Variants in LRP1B observed in about 807,000 individuals in gnomAD.
LRP1B encodes low-density lipoprotein receptor-related protein 1B.
Under a neutral mutation model 556.6 loss-of-function variants are expected in LRP1B, and 217 were observed. That is an observed-to-expected ratio of 0.39 (90% CI 0.35 to 0.44). The LOEUF (loss-of-function observed/expected upper bound fraction) is 0.44. LRP1B is among the 20% of genes least tolerant of loss of function. The probability of loss-of-function intolerance (pLI) is 1.00; values close to 1 mark genes in which losing one functional copy is unlikely to be tolerated. For missense variants in LRP1B, 5,053 were observed against 5,620.8 expected, an observed-to-expected ratio of 0.90 and a Z score of 3.23; for synonymous variants, 2,047 against 1,865.8, an observed-to-expected ratio of 1.10 and a Z score of -2.50.
At chr2:140,493,862 C>G (rs1046852413) in intron 56 of LRP1B, among the ~76,000 whole-genome samples, 2 of 152,096 alleles carry the variant, frequency 1.3e-5, no homozygotes, top group African/African-American at 2.4e-5. Context: ...TTCTATCATC[C>G]TTGATGGGAT....
intron 10 of LRP1B, among the ~76,000 whole-genome samples, chr2:141,050,944 C>CG (rs1553452487): frequency 6.6e-6 from 1 of 151,862 alleles, no homozygotes; most frequent in Non-Finnish European, 1.5e-5. Flanking sequence ...AAGAAAAAAC[C>CG]AAAAACATCA....
chr2:141,643,770 G>A (rs1002872320), intron 2 of LRP1B, among the ~76,000 whole-genome samples: 2 of 152,060 alleles, frequency 1.3e-5, no homozygotes, highest in Admixed American at 1.3e-4. Context: ...TTGGATAGAG[G>A]ACGATGCTGT....
chr2:142,076,411 G>A (rs1235005569), intron 1 of LRP1B, among the ~76,000 whole-genome samples: 5 of 152,024 alleles, frequency 3.3e-5, no homozygotes, highest in African/African-American at 1.2e-4. Flanking sequence ...CATGAATTTC[G>A]AGTGCTCAAA....
chr2:140,498,089 T>C (rs72899884), intron 55 of LRP1B, among the ~76,000 whole-genome samples: 1 of 151,874 alleles, frequency 6.6e-6, no homozygotes, highest in African/African-American at 2.4e-5. Context: ...AATAATCTTT[T>C]GCATTTTCAA....
chr2:141,352,937 A>C (rs1445600520), intron 3 of LRP1B, among the ~76,000 whole-genome samples: 1 of 151,992 alleles, frequency 6.6e-6, no homozygotes, highest in Non-Finnish European at 1.5e-5. Flanking sequence ...AAATTATATG[A>C]TGTTTTTCAT....
rs1287546889 is a variant in LRP1B, at chr2:141,630,125, T to C, written c.206-149592A>G. ...TAATGTTCCCTGCCACTGTGGAAAATGTTTTATTGGACAAATAGGCCACAC... is the reference window on the plus strand; with the variant it reads ...TAATGTTCCCTGCCACTGTGGAAAACGTTTTATTGGACAAATAGGCCACAC... On this transcript the variant is annotated intron_variant, in intron 2 of 90. Coordinates refer to ENST00000389484, the MANE Select transcript of LRP1B (RefSeq NM_018557.3). Among the ~76,000 whole-genome samples, 4 of 152,112 alleles carry C rather than the reference T, an allele frequency of 2.6e-5. No individual in the cohort carries two copies. In the East Asian group the frequency reaches 7.7e-4, roughly 29 times the overall value.
chr2:142,029,201 G>T (rs766953457), intron 1 of LRP1B, among the ~76,000 whole-genome samples: 1 of 151,800 alleles, frequency 6.6e-6, no homozygotes, highest in African/African-American at 2.4e-5. Context: ...TCTTAAGAGG[G>T]TAAGACCTAG....
At chr2:140,910,629 A>G (rs1036551088) in intron 21 of LRP1B, among the ~76,000 whole-genome samples, 2 of 151,904 alleles carry the variant, frequency 1.3e-5, no homozygotes, top group African/African-American at 4.8e-5. Flanking sequence ...TTTTAAATCA[A>G]TAAGATAACA....
intron 66 of LRP1B, among the ~76,000 whole-genome samples, chr2:140,398,708 A>G (rs1358782914): frequency 6.6e-6 from 1 of 152,158 alleles, no homozygotes; most frequent in Non-Finnish European, 1.5e-5. Context: ...CAGAATTCTT[A>G]TGTAATTATA....
At chr2:141,548,499 A>G (rs986230523) in intron 2 of LRP1B, among the ~76,000 whole-genome samples, 14 of 152,336 alleles carry the variant, frequency 9.2e-5, no homozygotes, top group African/African-American at 3.4e-4. Flanking sequence ...TAGCTACCCA[A>G]AAGACATGCT....
In LRP1B at chr2:141,691,128, G is replaced by T. The variant is rs1691512591; in HGVS notation, c.205+119151C>A. Among the ~76,000 whole-genome samples, 3 of 151,910 alleles carry T rather than the reference G, an allele frequency of 2.0e-5. No homozygotes were observed. In the South Asian group the frequency reaches 6.2e-4, roughly 31 times the overall value. ...GAAAGAGAGTGAGTTAGTAATTACT[G>T]TAAGGACTTTGTTACTGTTGACTTT... is the stretch of plus-strand genomic sequence containing the variant. On this transcript the variant is annotated intron_variant, in intron 2 of 90. Coordinates refer to ENST00000389484, the MANE Select transcript of LRP1B (RefSeq NM_018557.3).
intron 18 of LRP1B, among the ~76,000 whole-genome samples, chr2:140,969,193 G>A (rs964507069): frequency 2.0e-5 from 3 of 152,148 alleles, no homozygotes; most frequent in Admixed American, 6.5e-5. Context: ...CTAAGGACTT[G>A]CTTTATGAAT....
intron 11 of LRP1B, among the ~76,000 whole-genome samples, chr2:141,032,822 C>CATATATATATATAT (rs1333410760): frequency 2.0e-4 from 15 of 75,622 alleles, no homozygotes; most frequent in Middle Eastern, 6.9e-3. Flanking sequence ...TATATATATA[C>CATATATATATATAT]ATACATATAT....
intron 7 of LRP1B, among the ~76,000 whole-genome samples, chr2:141,098,610 A>G (rs1700380099): frequency 6.6e-6 from 1 of 152,134 alleles, no homozygotes; most frequent in South Asian, 2.1e-4. Context: ...ATGATGATTA[A>G]AGGGGGAAAA....
chr2:140,639,099 T>C (rs1684180803), intron 41 of LRP1B, among the ~76,000 whole-genome samples: 1 of 152,148 alleles, frequency 6.6e-6, no homozygotes, highest in Admixed American at 6.5e-5. Context: ...GCATTTTGGT[T>C]ACATCTTTAA....
chr2:141,810,091 G>A (rs1444099681), intron 2 of LRP1B, among the ~76,000 whole-genome samples, 188 bp downstream of exon 2: 1 of 79,276 alleles, frequency 1.3e-5, no homozygotes, highest in Non-Finnish European at 2.3e-5. Context: ...TAGGCTATTT[G>A]GAAAAAAGAA....
intron 18 of LRP1B, among the ~76,000 whole-genome samples, chr2:140,957,784 G>A (rs1695918075): frequency 6.6e-6 from 1 of 151,400 alleles, no homozygotes. Flanking sequence ...TCTGGGACAG[G>A]AGAGAATTCT....
intron 1 of LRP1B, among the ~76,000 whole-genome samples, chr2:141,964,988 T>G (rs1447510298): frequency 6.8e-6 from 1 of 146,204 alleles, no homozygotes; most frequent in Non-Finnish European, 1.5e-5. Flanking sequence ...AAAAAACACA[T>G]GAAAAAATGC....
At chr2:141,443,647 G>A (rs1681070363) in intron 3 of LRP1B, among the ~76,000 whole-genome samples, 1 of 152,264 alleles carries the variant, frequency 6.6e-6, no homozygotes, top group African/African-American at 2.4e-5. Flanking sequence ...CTCTGCATAT[G>A]TCTAGCCAGT....
Sources: allele counts gnomAD v4.1 joint callset (sites outside exome capture counted in the v4.1 genomes callset), GRCh38; gene constraint gnomAD v4.1.1; transcripts MANE v1.5; gene names NCBI Gene and HGNC (gene_info 2026-07-23, HGNC 2026-07-21).